RHBDD1: variants seen among roughly 807,000 people sequenced by gnomAD.
The protein encoded by RHBDD1 is rhomboid domain containing 1, also known as rhomboid-related protein 4.
Under a neutral mutation model 36.3 loss-of-function variants are expected in RHBDD1, and 38 were observed. The ratio of observed to expected loss-of-function variants is 1.05; its 90% CI spans 0.81 to 1.37. The LOEUF (loss-of-function observed/expected upper bound fraction) is 1.37, where lower values mean the gene tolerates loss of function less well. Among genes scored for constraint, RHBDD1 ranks in the 40% most tolerant of loss-of-function variants. The pLI is 0.00. For synonymous variants in RHBDD1, 151 were observed against 136.5 expected, an observed-to-expected ratio of 1.11 and a Z score of -0.74; for missense variants, 393 against 377.6, an observed-to-expected ratio of 1.04 and a Z score of -0.34.
At position 226,857,400 on chromosome 2, in the gene RHBDD1, A is replaced by C. The variant is rs60311163; in HGVS notation, c.-90-7204A>C. ...ACAGTTACTCAGAAAGTTAAACATA[A>C]AGTCAACCATATGAGCCAGCAATTT... On this transcript the variant is annotated intron_variant, in intron 3 of 8. Coordinates refer to ENST00000392062, the MANE Select transcript of RHBDD1 (RefSeq NM_001167608.3). Among the ~76,000 whole-genome samples the C allele has an allele frequency of 3.3e-3, 499 of 152,270 alleles. 28 individuals are homozygous for C. The East Asian group carries it at 0.087, about 27-fold the overall frequency.
intron 3 of RHBDD1, among the ~76,000 whole-genome samples, chr2:226,849,746 ATATATC>A (rs1210336490): frequency 6.6e-6 from 1 of 151,540 alleles, no homozygotes; most frequent in African/African-American, 2.4e-5. Context: ...ATCTATATCT[ATATATC>A]TATATCATCT....
At chr2:226,945,698 G>T (rs537928809) in intron 8 of RHBDD1, among the ~76,000 whole-genome samples, 1 of 152,066 alleles carries the variant, frequency 6.6e-6, no homozygotes, top group Non-Finnish European at 1.5e-5. Context: ...GAGTCCAATG[G>T]TATTTCTGGT....
intron 3 of RHBDD1, among the ~76,000 whole-genome samples, chr2:226,840,529 G>A (rs933154476): frequency 4.6e-5 from 7 of 152,168 alleles, no homozygotes; most frequent in African/African-American, 1.4e-4. Flanking sequence ...ATTTATTCTT[G>A]ATGGTGATTC....
At chr2:226,810,145 A>T in the RHBDD1 span, among the ~76,000 whole-genome samples, 1 of 152,244 alleles carries the variant, frequency 6.6e-6, no homozygotes, top group South Asian at 2.1e-4. Context: ...AACTTCTAAT[A>T]GCCTACCATT....
intron 5 of RHBDD1, among the ~76,000 whole-genome samples, chr2:226,896,733 G>A (rs1947125028): frequency 6.6e-6 from 1 of 152,066 alleles, no homozygotes; most frequent in Admixed American, 6.6e-5. Context: ...TGGCACACAG[G>A]CCTTATGTAC....
At chr2:226,960,687 T>G (rs916339405) in intron 8 of RHBDD1, among the ~76,000 whole-genome samples, 1 of 152,200 alleles carries the variant, frequency 6.6e-6, no homozygotes, top group African/African-American at 2.4e-5. Context: ...CAGAAGTGGA[T>G]TTCCACTTGA....
chr2:226,881,120 G>A (rs915272571), intron 5 of RHBDD1, among the ~76,000 whole-genome samples: 1 of 152,054 alleles, frequency 6.6e-6, no homozygotes, highest in Non-Finnish European at 1.5e-5. Flanking sequence ...CAAGAGAAGG[G>A]GGAAGAGCCC....
intron 5 of RHBDD1, among the ~76,000 whole-genome samples, chr2:226,897,054 C>T (rs1407111314): frequency 1.3e-5 from 2 of 152,124 alleles, no homozygotes; most frequent in South Asian, 2.1e-4. Flanking sequence ...CCACCTGCCT[C>T]GGCCTCCCAA....
the RHBDD1 span, among the ~76,000 whole-genome samples, chr2:226,810,540 C>CAAGAAAAA: frequency 5.0e-4 from 17 of 33,882 alleles, no homozygotes; most frequent in African/African-American, 2.4e-3. Context: ...GACTCCGTCT[C>CAAGAAAAA]AAAAAAAAAA....
chr2:226,831,648 G>T (rs1367324085), upstream of RHBDD1, among the ~76,000 whole-genome samples: 2 of 152,008 alleles, frequency 1.3e-5, no homozygotes, highest in East Asian at 1.9e-4. Context: ...CGAGCTTCAT[G>T]TCTCTAGAAC....
chr2:226,929,518 T>C (rs1949881204), intron 8 of RHBDD1, among the ~76,000 whole-genome samples: 1 of 152,024 alleles, frequency 6.6e-6, no homozygotes, highest in African/African-American at 2.4e-5. Context: ...ATAAAAGCTA[T>C]CTGTGACAGA....
chr2:226,889,578 A>G (rs1265158280), intron 5 of RHBDD1, among the ~76,000 whole-genome samples: 1 of 152,208 alleles, frequency 6.6e-6, no homozygotes, highest in Non-Finnish European at 1.5e-5. Flanking sequence ...CAAATTAGAA[A>G]TCAGTAGATT....
intron 5 of RHBDD1, among the ~76,000 whole-genome samples, chr2:226,889,924 A>G (rs1045536815): frequency 6.6e-6 from 1 of 152,224 alleles, no homozygotes; most frequent in African/African-American, 2.4e-5. Flanking sequence ...TCTCATCTGT[A>G]AAATGAGACC....
chr2:226,883,033 C>G (rs1422513842), intron 5 of RHBDD1, among the ~76,000 whole-genome samples: 2 of 152,212 alleles, frequency 1.3e-5, no homozygotes, highest in Non-Finnish European at 2.9e-5. Context: ...GACCCCATCT[C>G]TAAATAGCAT....
At chr2:226,985,804 G>A (rs1956812699) in intron 8 of RHBDD1, among the ~76,000 whole-genome samples, 2 of 152,218 alleles carry the variant, frequency 1.3e-5, no homozygotes, top group Admixed American at 6.5e-5. Context: ...GATGATTCCA[G>A]ACCACTATAT....
intron 8 of RHBDD1, among the ~76,000 whole-genome samples, chr2:226,977,393 A>C (rs1200480920): frequency 6.6e-6 from 1 of 152,220 alleles, no homozygotes; most frequent in Non-Finnish European, 1.5e-5. Context: ...ATTCATGAGA[A>C]TGTTACGTCT....
In RHBDD1 at chr2:226,992,655, G is replaced by A. The variant is rs369087192; in HGVS notation, c.857-2776G>A. On this transcript the variant is annotated intron_variant, in intron 8 of 8. Coordinates refer to ENST00000392062, the MANE Select transcript of RHBDD1 (RefSeq NM_001167608.3). ...TCCCACAGAATTGAGAACTTAGACTGGAACTTCTTATTTTTCTGTTTTCAG... is the reference window on the plus strand; with the variant it reads ...TCCCACAGAATTGAGAACTTAGACTAGAACTTCTTATTTTTCTGTTTTCAG... 5.5e-4 allele frequency among the ~76,000 whole-genome samples: 84 copies of A among 152,282 alleles called. 1 individual carries two copies. Among genetic ancestry groups the A allele is most frequent in the Middle Eastern group, 6.8e-3 (2 of 294 alleles).
intron 5 of RHBDD1, among the ~76,000 whole-genome samples, chr2:226,876,640 T>C (rs988103618): frequency 6.6e-6 from 1 of 152,212 alleles, no homozygotes; most frequent in Non-Finnish European, 1.5e-5. Context: ...AAATTCATAC[T>C]CTGAACTAGT....
At chr2:226,851,522 C>G (rs1942807910) in intron 3 of RHBDD1, among the ~76,000 whole-genome samples, 1 of 152,006 alleles carries the variant, frequency 6.6e-6, no homozygotes, top group Non-Finnish European at 1.5e-5. Context: ...GTGGAAGCGT[C>G]ACCTCTCTGG....
Sources: allele counts gnomAD v4.1 joint callset (sites outside exome capture counted in the v4.1 genomes callset), GRCh38; gene constraint gnomAD v4.1.1; transcripts MANE v1.5; gene names NCBI Gene and HGNC (gene_info 2026-07-23, HGNC 2026-07-21).